The following C8orf58 variants were observed in gnomAD, a reference collection of about 807,000 sequenced individuals.
The protein encoded by C8orf58 is chromosome 8 open reading frame 58, also known as uncharacterized protein C8orf58.
In C8orf58, 31 loss-of-function variants were observed where a neutral mutation model predicts 36.8. The observed-to-expected ratio is 0.84, with a 90% CI of 0.63 to 1.14. C8orf58 has a LOEUF of 1.14. C8orf58 is among the 50% of genes most tolerant of loss of function. The probability of loss-of-function intolerance (pLI) is 0.00; values close to 1 mark genes in which losing one functional copy is unlikely to be tolerated. For synonymous variants in C8orf58, 230 were observed against 200.2 expected (o/e 1.15, Z -1.26); for missense variants, 538 against 480.8 (o/e 1.12, Z -1.11).
Position 22,600,876 on chromosome 8 carries a change from A to T in C8orf58, c.41-6A>T. ...CTGCCCAGCCTGACGCTGACTCTCC[A>T]TGCAGATGGGGCTGGCGAGGGCCTG... On this transcript the variant is annotated splice_polypyrimidine_tract_variant and splice_region_variant and intron_variant, in intron 1 of 6. Transcript: ENST00000289989. The T allele has an allele frequency of 6.3e-7, 1 of 1,594,028 alleles. No individual in the cohort carries two copies. The highest frequency in any genetic ancestry group is 8.5e-7 in the Non-Finnish European group (1 of 1,171,474).
At position 22,603,350 on chromosome 8, in the gene C8orf58, T is replaced by C. The variant is rs1406457659; in HGVS notation, c.*44T>C. The C allele has an allele frequency of 6.5e-6, 9 of 1,375,680 alleles. No individual in the cohort carries two copies. Among genetic ancestry groups the C allele is most frequent in the African/African-American group, 2.9e-5 (2 of 70,112 alleles). 85.2% of individuals were successfully genotyped at this position (1,375,680 alleles called of 1,614,324 possible). A position where few individuals can be genotyped will look rare whatever the true frequency, so the allele number is the denominator to read the frequency against. ...GTGACCCTGGGTGGAGGGGACTTGC[T>C]GTGAAGTCTTCCTCGCCCTCTGCCC... is the stretch of plus-strand genomic sequence containing the variant. On this transcript the variant is annotated 3_prime_UTR_variant, in exon 7 of 7. Coordinates refer to ENST00000289989, the MANE Select transcript of C8orf58 (RefSeq NM_001013842.3).
Position 22,602,658 on chromosome 8 carries a change from C to CCTCCTGATGGCTCTG in C8orf58, c.986+15_986+16insCTCCTGATGGCTCTG. The CCTCCTGATGGCTCTG allele has an allele frequency of 6.7e-7, 1 of 1,491,552 alleles. No individual in the cohort carries two copies. Among genetic ancestry groups the CCTCCTGATGGCTCTG allele is most frequent in the Non-Finnish European group, 9.1e-7 (1 of 1,104,598 alleles). The allele number at this position is 1,491,552 out of a possible 1,614,324, so 92.4% of individuals were successfully genotyped here. A position where few individuals can be genotyped will look rare whatever the true frequency, so the allele number is the denominator to read the frequency against. On this transcript the variant is annotated intron_variant, in intron 6 of 6. Transcript: ENST00000289989. The stretch of plus-strand genomic sequence containing the variant: ...TCTGACCCCAGGTGAGCCCCGTGCC[C>CCTCCTGATGGCTCTG]AGCCCAGGTTAGGGCACGGAGAGGA...
chr8:22,603,140 C>T (rs1038373425), intron 6 of C8orf58, 55 bp from the exon 7 acceptor site: 48 of 1,319,526 alleles, frequency 3.6e-5, no homozygotes, highest in Non-Finnish European at 5.1e-5. Flanking sequence ...AACTCTAGGG[C>T]CATTGTTAGT....
At chr8:22,603,097 A>T (rs758105830) in intron 6 of C8orf58, 98 bp from the exon 7 acceptor site, 155 of 901,332 alleles carry the variant, frequency 1.7e-4, no homozygotes, top group Non-Finnish European at 2.5e-4. Flanking sequence ...GCCCACACCC[A>T]GCTACCCACC....
chr8:22,601,745 C>T lies in C8orf58; in HGVS notation c.550C>T (p.Leu184Phe), dbSNP rs771511078. 1.2e-6 allele frequency: 2 copies of T among 1,611,782 alleles called. No homozygotes were observed. The highest frequency in any genetic ancestry group is 2.2e-5 in the East Asian group (1 of 44,842). ...CCTGGGGCCTGGAGCCTGGGCCTGC[C>T]TCCCCGGGCAGGGTCTTCGCTATCT... The part of the protein sequence containing the change: ...GGLGPGAWAC[L>F]PGQGLRYLEH... Residue 184 changes from leucine (L) to phenylalanine (F), a missense_variant, in exon 3 of 7, where the codon CTC becomes TTC. Physicochemically the swap from Leu to Phe is conservative, Grantham distance 22. Transcript: ENST00000289989.
chr8:22,602,325 T>C lies in C8orf58; in HGVS notation c.879+13T>C. 1 of 1,408,892 alleles carries C rather than the reference T, an allele frequency of 7.1e-7. No homozygotes were observed. The highest frequency in any genetic ancestry group is 9.7e-7 in the Non-Finnish European group (1 of 1,029,136). 87.3% of individuals were successfully genotyped at this position (1,408,892 alleles called of 1,614,324 possible). On this transcript the variant is annotated intron_variant, in intron 5 of 6. Coordinates refer to ENST00000289989, the MANE Select transcript of C8orf58 (RefSeq NM_001013842.3). ...CCAGGGACACAAGGTAGGGGACAGG[T>C]ATATGTGGGGCAGGTGGTGGGCTGG...
At chr8:22,603,058 T>A in intron 6 of C8orf58, 137 bp from the exon 7 acceptor site, 1 of 651,216 alleles carries the variant, frequency 1.5e-6, no homozygotes, top group Non-Finnish European at 2.7e-6. Context: ...GAGGAAGAAA[T>A]ACCAAGTCAT....
Position 22,604,014 on chromosome 8 carries a change from T to G in C8orf58, c.*708T>G, listed in dbSNP as rs1156396451. 6.4e-6 allele frequency: 1 copy of G among 155,790 alleles called. No individual in the cohort carries two copies. The highest frequency in any genetic ancestry group is 2.4e-5 in the African/African-American group (1 of 41,484). The allele number at this position is 155,790 out of a possible 1,614,324, so 9.7% of individuals were successfully genotyped here. A position where few individuals can be genotyped will look rare whatever the true frequency, so the allele number is the denominator to read the frequency against. ...CAGGTCTTAATTCAAACCAGATGCC[T>G]GTACTAGTTTTTAGACCCCAAGTCA... On this transcript the variant is annotated 3_prime_UTR_variant, in exon 7 of 7. Transcript: ENST00000289989.
chr8:22,602,194 C>A lies in C8orf58; in HGVS notation c.767-6C>A. 6.3e-7 allele frequency: 1 copy of A among 1,590,308 alleles called. No homozygotes were observed. ...GGCCCTGGCCAACCTGACTGTCTTT[C>A]TGAAGGAGCAAAGGCTGCTTCACCC... On this transcript the variant is annotated splice_polypyrimidine_tract_variant and splice_region_variant and intron_variant, in intron 4 of 6. Coordinates refer to ENST00000289989, the MANE Select transcript of C8orf58 (RefSeq NM_001013842.3).
rs374640891 is a variant in C8orf58, at chr8:22,601,150, C to T, written c.309C>T (p.Ala103=). Residue 103 remains alanine (A), a synonymous_variant, in exon 2 of 7, where the codon GCC becomes GCT. Transcript: ENST00000289989. ...CCTCAGGGAGTTCTGAGCCCCCCGC[C>T]CAGGTAGGCCGACTCCTGGCCAGCC... ...FESSGSSEPP[A]QVGRLLASQK... The T allele has an allele frequency of 1.1e-5, 17 of 1,610,840 alleles. No homozygotes were observed. The highest frequency in any genetic ancestry group is 1.4e-5 in the Non-Finnish European group (16 of 1,179,404).
In C8orf58 at chr8:22,601,055, G is replaced by C. The variant is rs747235215; in HGVS notation, c.214G>C (p.Glu72Gln). 2 of 1,612,846 alleles carry C rather than the reference G, an allele frequency of 1.2e-6. No individual in the cohort carries two copies. Among genetic ancestry groups the C allele is most frequent in the Non-Finnish European group, 1.7e-6 (2 of 1,180,012 alleles). The change falls in exon 2 of 7, where the codon GAG becomes CAG. Residue 72 changes from glutamate to glutamine, a missense_variant. Glu to Gln is a conservative substitution (Grantham distance 29). Coordinates refer to ENST00000289989, the MANE Select transcript of C8orf58 (RefSeq NM_001013842.3). ...LKLASRDSGV[E>Q]MAVGDSPLAA... ...ACTGGCCTCCCGGGACTCAGGAGTG[G>C]AGATGGCAGTTGGGGACAGCCCCCT... is the stretch of plus-strand genomic sequence containing the variant.
intron 1 of C8orf58, 118 bp from the exon 2 acceptor site, chr8:22,600,764 G>A: frequency 1.2e-6 from 1 of 847,420 alleles, no homozygotes. Context: ...TGGCTGTCCA[G>A]TGACCGCCCT....
intron 1 of C8orf58, 39 bp from the exon 2 acceptor site, chr8:22,600,843 G>A (rs770654323): frequency 1.3e-6 from 2 of 1,512,568 alleles, no homozygotes; most frequent in Admixed American, 3.9e-5. Flanking sequence ...GGGGGTGTTG[G>A]GGGTGGCCTG....
At chr8:22,599,927 A>G (rs1394627293) in intron 1 of C8orf58, 167 bp downstream of exon 1, 2 of 372,600 alleles carry the variant, frequency 5.4e-6, no homozygotes, top group Non-Finnish European at 9.5e-6. Flanking sequence ...GGCGGTCATC[A>G]GGGGACGCCA....
chr8:22,601,441 G>A, intron 2 of C8orf58, 84 bp downstream of exon 2: 1 of 1,179,150 alleles, frequency 8.5e-7, no homozygotes, highest in Non-Finnish European at 1.2e-6. Context: ...TCTCTGGGTG[G>A]GGCACTCCCT....
chr8:22,600,019 C>T (rs1800804797), intron 1 of C8orf58: 1 of 334,172 alleles, frequency 3.0e-6, no homozygotes, highest in Admixed American at 4.9e-5. Flanking sequence ...CTTCCCTCGC[C>T]TTCCCGCTCC....
Position 22,602,600 on chromosome 8 carries a change from C to T in C8orf58, c.943C>T (p.His315Tyr). Residue 315 changes from histidine to tyrosine, a missense_variant, in exon 6 of 7, where the codon CAC (histidine) becomes TAC (tyrosine). His to Tyr is a moderately conservative substitution (Grantham distance 83). Coordinates refer to ENST00000289989, the MANE Select transcript of C8orf58 (RefSeq NM_001013842.3). The part of the protein sequence containing the change: ...LLNRICRRSH[H>Y]HPEPPAPPDG... ...CAACCGGATCTGCCGGAGAAGCCAC[C>T]ACCACCCTGAGCCCCCTGCCCCTCC... 6.4e-7 allele frequency: 1 copy of T among 1,569,312 alleles called. No homozygotes were observed. Among genetic ancestry groups the T allele is most frequent in the Non-Finnish European group, 8.7e-7 (1 of 1,153,938 alleles).
At chr8:22,601,463 A>G (rs758637324) in intron 2 of C8orf58, 106 bp downstream of exon 2, 5 of 1,016,892 alleles carry the variant, frequency 4.9e-6, no homozygotes, top group Non-Finnish European at 7.1e-6. Context: ...CCCCTAATTG[A>G]TGGGTTGTGT....
chr8:22,603,216 T>C lies in C8orf58; in HGVS notation c.1008T>C (p.Pro336=). ...ACAGGATCGAGTCCAGGGACCTCCC[T>C]GAAAGGCCTCAGTGCCGCCCCCACC... ...SDPRIESRDL[P]ERPQCRPHRK... Residue 336 remains proline (P), a synonymous_variant, in exon 7 of 7, where the codon CCT becomes CCC. Coordinates refer to ENST00000289989, the MANE Select transcript of C8orf58 (RefSeq NM_001013842.3). The C allele has an allele frequency of 6.2e-7, 1 of 1,613,842 alleles. No homozygotes were observed. Among genetic ancestry groups the C allele is most frequent in the Non-Finnish European group, 8.5e-7 (1 of 1,179,852 alleles).
Sources: allele counts gnomAD v4.1 joint callset, GRCh38; gene constraint gnomAD v4.1.1; transcripts MANE v1.5; gene names NCBI Gene and HGNC (gene_info 2026-07-23, HGNC 2026-07-21).